Variants in LRFN5 observed in about 807,000 individuals in gnomAD.
LRFN5 encodes leucine-rich repeat and fibronectin type-III domain-containing protein 5.
LRFN5 carries 24 observed loss-of-function variants against 45.6 expected under a neutral mutation model. The ratio of observed to expected loss-of-function variants is 0.53; its 90% CI spans 0.38 to 0.74. LRFN5 has a LOEUF of 0.74. Among genes scored for constraint, LRFN5 ranks in the 30% least tolerant of loss-of-function variants. LRFN5 has a pLI of 0.00. For missense variants in LRFN5, 776 were observed against 861.5 expected (o/e 0.90, Z 1.24); for synonymous variants, 340 against 313.8 (o/e 1.08, Z -0.88).
At chr14:41,641,569 C>T (rs531249059) in intron 1 of LRFN5, among the ~76,000 whole-genome samples, 2 of 152,098 alleles carry the variant, frequency 1.3e-5, no homozygotes, top group East Asian at 3.9e-4. Flanking sequence ...CTTTTCTATA[C>T]TTTTCTATAC....
intron 1 of LRFN5, chr14:41,731,746 T>G (rs1594654248): frequency 6.6e-6 from 1 of 152,174 alleles, no homozygotes. Context: ...CCATTGTTGA[T>G]GTTTTCCCTT....
intron 2 of LRFN5, among the ~76,000 whole-genome samples, chr14:41,831,125 C>T (rs376255527): frequency 7.0e-4 from 107 of 152,236 alleles, no homozygotes; most frequent in African/African-American, 2.5e-3. Flanking sequence ...TTAGAAAGCC[C>T]ATGTAGCTGT....
chr14:41,655,657 A>G (rs1283173951), intron 1 of LRFN5, among the ~76,000 whole-genome samples: 2 of 152,012 alleles, frequency 1.3e-5, no homozygotes, highest in Admixed American at 6.6e-5. Flanking sequence ...GGACCTGCTT[A>G]GGAAAAAACA....
At chr14:41,641,797 A>G (rs951019320) in intron 1 of LRFN5, among the ~76,000 whole-genome samples, 6 of 152,148 alleles carry the variant, frequency 3.9e-5, no homozygotes, top group African/African-American at 1.4e-4. Flanking sequence ...ATATCAGAAA[A>G]TGAAGTTTTG....
At chr14:41,638,567 T>C (rs1334601936) in intron 1 of LRFN5, among the ~76,000 whole-genome samples, 1 of 152,186 alleles carries the variant, frequency 6.6e-6, no homozygotes, top group Admixed American at 6.6e-5. Flanking sequence ...TAAAAATAAC[T>C]GATTTACCAG....
intron 2 of LRFN5, among the ~76,000 whole-genome samples, chr14:41,806,019 G>C (rs958777393): frequency 6.6e-6 from 1 of 152,134 alleles, no homozygotes; most frequent in Admixed American, 6.6e-5. Context: ...AGACAAACTT[G>C]CAGTGCCAGT....
intron 2 of LRFN5, among the ~76,000 whole-genome samples, chr14:41,839,820 T>A (rs1344430628): frequency 1.3e-5 from 2 of 152,118 alleles, no homozygotes; most frequent in East Asian, 1.9e-4. Context: ...TTTAGCTAAT[T>A]CAATTTCTAA....
At chr14:41,708,611 C>T (rs1883160427) in intron 1 of LRFN5, among the ~76,000 whole-genome samples, 1 of 151,942 alleles carries the variant, frequency 6.6e-6, no homozygotes, top group African/African-American at 2.4e-5. Flanking sequence ...GAAGTATCTT[C>T]AAGTCTATGA....
intron 2 of LRFN5, among the ~76,000 whole-genome samples, chr14:41,818,316 A>G (rs1419947790): frequency 6.6e-6 from 1 of 151,802 alleles, no homozygotes. Context: ...TTTTATATAT[A>G]TTTCAATTTT....
Position 41,874,995 on chromosome 14 carries a change from C to T in LRFN5, c.-20-11611C>T, listed in dbSNP as rs79274018. ...AACCACCCCTATGATTCAGTTACCC[C>T]CCCACCAACTGGGTCCCTCCCATGA... On this transcript the variant is annotated intron_variant, in intron 2 of 5. Transcript: ENST00000298119. 9.1e-3 allele frequency among the ~76,000 whole-genome samples: 1,381 copies of T among 152,252 alleles called. 30 individuals carry two copies. The highest frequency in any genetic ancestry group is 0.03 in the African/African-American group (1,256 of 41,538).
rs539800947 is a variant in LRFN5, at chr14:41,693,573, T to C, written c.-196-73281T>C. 2.6e-5 allele frequency among the ~76,000 whole-genome samples: 4 copies of C among 152,136 alleles called. No individual in the cohort carries two copies. The South Asian group carries it at 8.3e-4, about 32-fold the overall frequency. ...GAAATTTAATTTTTCTTTGCTGTTA[T>C]TGAATTTATATTTAAATTTCATCTT... On this transcript the variant is annotated intron_variant, in intron 1 of 5. Coordinates refer to ENST00000298119, the MANE Select transcript of LRFN5 (RefSeq NM_152447.5).
chr14:41,757,388 A>G (rs1344420436), intron 1 of LRFN5, among the ~76,000 whole-genome samples: 1 of 152,104 alleles, frequency 6.6e-6, no homozygotes, highest in African/African-American at 2.4e-5. Flanking sequence ...GCCTCCTTGA[A>G]CTGTGGTGGG....
At chr14:41,609,754 C>T (rs915682810) in intron 1 of LRFN5, among the ~76,000 whole-genome samples, 1 of 152,162 alleles carries the variant, frequency 6.6e-6, no homozygotes, top group East Asian at 1.9e-4. Context: ...GAGGATTTGG[C>T]CCAGCCAAGC....
At chr14:41,765,786 T>A (rs947248694) in intron 1 of LRFN5, among the ~76,000 whole-genome samples, 1 of 152,242 alleles carries the variant, frequency 6.6e-6, no homozygotes, top group African/African-American at 2.4e-5. Flanking sequence ...TAATTTACTT[T>A]TATTTAATTG....
Position 41,871,095 on chromosome 14 carries a change from G to GAAAA in LRFN5, c.-20-15507_-20-15504dup, listed in dbSNP as rs1450804353. Among the ~76,000 whole-genome samples the GAAAA allele has an allele frequency of 2.0e-5, 3 of 151,118 alleles. No homozygotes were observed. In the East Asian group the frequency reaches 5.8e-4, roughly 29 times the overall value. ...TAGAAATAAGTGCTTTTAAAAACTAGAAAAAAATGAGAAATGGGGTCTTAT... is the reference window on the plus strand; with the variant it reads ...TAGAAATAAGTGCTTTTAAAAACTAGAAAAAAAAAAATGAGAAATGGGGTCTTAT... On this transcript the variant is annotated intron_variant, in intron 2 of 5. Transcript: ENST00000298119.
chr14:41,879,916 CTTTTTTTT>C (rs34553310), intron 2 of LRFN5, among the ~76,000 whole-genome samples: 8 of 56,488 alleles, frequency 1.4e-4, no homozygotes, highest in Non-Finnish European at 2.2e-4. Context: ...TCAATTTTTC[CTTTTTTTT>C]TTTTTTTTTT....
chr14:41,755,222 T>G (rs1456255337), intron 1 of LRFN5, among the ~76,000 whole-genome samples: 1 of 152,218 alleles, frequency 6.6e-6, no homozygotes, highest in East Asian at 1.9e-4. Flanking sequence ...AGTGTGGTGC[T>G]GAGAAGAATG....
chr14:41,898,990 C>G, intron 5 of LRFN5, 30 bp downstream of exon 5: 1 of 1,574,862 alleles, frequency 6.3e-7, no homozygotes, highest in African/African-American at 1.4e-5. Context: ...TAACTTACTT[C>G]AACACTTAAA....
intron 2 of LRFN5, among the ~76,000 whole-genome samples, chr14:41,858,175 A>C (rs1889537250): frequency 6.6e-6 from 1 of 152,162 alleles, no homozygotes; most frequent in South Asian, 2.1e-4. Context: ...AAATTAATAC[A>C]CATTCAGAAA....
Sources: allele counts gnomAD v4.1 joint callset (sites outside exome capture counted in the v4.1 genomes callset), GRCh38; gene constraint gnomAD v4.1.1; transcripts MANE v1.5; gene names NCBI Gene and HGNC (gene_info 2026-07-23, HGNC 2026-07-21).